The following SAMD5 variants were observed in gnomAD, a reference collection of about 807,000 sequenced individuals.
SAMD5 encodes sterile alpha motif domain-containing protein 5.
A neutral mutation model predicts 11.3 loss-of-function variants in SAMD5; 13 were observed. That is an observed-to-expected ratio of 1.15 (90% CI 0.75 to 1.83). SAMD5 has a LOEUF of 1.83. Ranked by LOEUF, SAMD5 falls within the 40% of genes most tolerant of loss-of-function variation. The pLI, the probability that SAMD5 is intolerant of heterozygous loss-of-function variation, is 0.00. For synonymous variants in SAMD5, 129 were observed against 111.3 expected, an observed-to-expected ratio of 1.16 and a Z score of -1.00; for missense variants, 255 against 239.1, an observed-to-expected ratio of 1.07 and a Z score of -0.44.
chr6:147,874,107 C>CA, the SAMD5 span, among the ~76,000 whole-genome samples: 3 of 152,122 alleles, frequency 2.0e-5, no homozygotes, highest in African/African-American at 7.2e-5. Flanking sequence ...CTTAATTGCT[C>CA]AAAAAACTTT....
At chr6:147,924,783 TAAATAAATAAATA>T in the SAMD5 span, among the ~76,000 whole-genome samples, 2 of 120,366 alleles carry the variant, frequency 1.7e-5, no homozygotes, top group African/African-American at 1.1e-4. Context: ...TTGTTATAAA[TAAATAAATAAATA>T]AATAAATAAA....
intron 1 of SAMD5, among the ~76,000 whole-genome samples, chr6:147,656,503 T>C (rs1034310895): frequency 1.3e-5 from 2 of 152,174 alleles, no homozygotes; most frequent in Non-Finnish European, 2.9e-5. Context: ...CATATACCCC[T>C]AAGTTGTAAA....
chr6:147,746,075 G>T, the SAMD5 span, among the ~76,000 whole-genome samples: 1 of 152,000 alleles, frequency 6.6e-6, no homozygotes, highest in African/African-American at 2.4e-5. Flanking sequence ...GCTTCATTTC[G>T]CCTGTAAAAA....
At chr6:147,699,493 TATAATC>T (rs1316687798) in intron 1 of SAMD5, among the ~76,000 whole-genome samples, 3 of 152,138 alleles carry the variant, frequency 2.0e-5, no homozygotes, top group Non-Finnish European at 4.4e-5. Flanking sequence ...TCCCACTAAT[TATAATC>T]ATACAAGCAG....
chr6:147,941,463 A>G, the SAMD5 span, among the ~76,000 whole-genome samples: 5,568 of 152,328 alleles, frequency 0.037, 143 homozygotes, highest in Non-Finnish European at 0.045. Flanking sequence ...AACAGTAAAG[A>G]GTGGTTTAAC....
chr6:147,661,775 G>A (rs1367707839), intron 1 of SAMD5, among the ~76,000 whole-genome samples: 2 of 152,052 alleles, frequency 1.3e-5, no homozygotes, highest in Non-Finnish European at 2.9e-5. Flanking sequence ...GATTACAGGC[G>A]CCTGCCACCA....
At chr6:147,714,598 T>C (rs1791441609) in intron 1 of SAMD5, among the ~76,000 whole-genome samples, 3 of 152,362 alleles carry the variant, frequency 2.0e-5, no homozygotes, top group Admixed American at 6.5e-5. Context: ...AATTTTCTTA[T>C]GATTGAAAGA....
intron 1 of SAMD5, among the ~76,000 whole-genome samples, chr6:147,578,420 C>T (rs1287707131): frequency 2.6e-5 from 4 of 152,146 alleles, no homozygotes; most frequent in Non-Finnish European, 5.9e-5. Context: ...CATGCTCTGA[C>T]TAATGCTTCT....
the SAMD5 span, among the ~76,000 whole-genome samples, chr6:147,868,520 AC>A: frequency 2.0e-5 from 3 of 152,154 alleles, no homozygotes; most frequent in Admixed American, 6.6e-5. Context: ...TAAATTGGCA[AC>A]TCATGAAATG....
the SAMD5 span, among the ~76,000 whole-genome samples, chr6:147,819,994 G>A: frequency 6.6e-6 from 1 of 152,176 alleles, no homozygotes; most frequent in Non-Finnish European, 1.5e-5. Flanking sequence ...GGGTTTGACT[G>A]GAGAGGACAG....
At chr6:147,556,845 T>C (rs1318164756) in intron 1 of SAMD5, among the ~76,000 whole-genome samples, 2 of 152,208 alleles carry the variant, frequency 1.3e-5, no homozygotes, top group Non-Finnish European at 2.9e-5. Flanking sequence ...AACGATAGTA[T>C]GTTATTTATA....
chr6:147,554,908 G>T (rs1451046196), intron 1 of SAMD5, among the ~76,000 whole-genome samples: 4 of 152,114 alleles, frequency 2.6e-5, no homozygotes, highest in Admixed American at 1.3e-4. Context: ...GGTCTGCAAG[G>T]TAATAATTAT....
intron 1 of SAMD5, among the ~76,000 whole-genome samples, chr6:147,715,305 CT>C (rs1268841032): frequency 6.6e-6 from 1 of 152,238 alleles, no homozygotes; most frequent in Non-Finnish European, 1.5e-5. Context: ...GCTCCAAACA[CT>C]GTGCACAGCC....
the SAMD5 span, among the ~76,000 whole-genome samples, chr6:147,879,175 C>T: frequency 6.6e-6 from 1 of 152,166 alleles, no homozygotes; most frequent in African/African-American, 2.4e-5. Flanking sequence ...TTGTGCTTAC[C>T]TCATATGCAT....
chr6:147,629,326 A>T (rs936750456), intron 1 of SAMD5, among the ~76,000 whole-genome samples: 5 of 152,132 alleles, frequency 3.3e-5, no homozygotes, highest in Non-Finnish European at 7.4e-5. Flanking sequence ...ATAATAATAA[A>T]AAAAATCTGA....
At chr6:147,537,768 A>G (rs1056611189) in intron 1 of SAMD5, among the ~76,000 whole-genome samples, 1 of 151,116 alleles carries the variant, frequency 6.6e-6, no homozygotes, top group African/African-American at 2.5e-5. Flanking sequence ...AAAAAAAAAA[A>G]AGAGAAAACC....
At chr6:147,625,219 C>G (rs971851520) in intron 1 of SAMD5, among the ~76,000 whole-genome samples, 1 of 152,186 alleles carries the variant, frequency 6.6e-6, no homozygotes, top group Non-Finnish European at 1.5e-5. Context: ...AATCAGTCTG[C>G]TCATATTTAG....
At chr6:147,684,982 A>G (rs1790988902) in intron 1 of SAMD5, among the ~76,000 whole-genome samples, 1 of 152,182 alleles carries the variant, frequency 6.6e-6, no homozygotes, top group Non-Finnish European at 1.5e-5. Flanking sequence ...GAGAATTAAA[A>G]TGTTTTCTCT....
At chr6:147,666,513 T>C (rs562628462) in intron 1 of SAMD5, among the ~76,000 whole-genome samples, 1 of 152,270 alleles carries the variant, frequency 6.6e-6, no homozygotes, top group East Asian at 1.9e-4. Flanking sequence ...AGAGCTTGCT[T>C]TCCTTCTCTA....
Sources: allele counts gnomAD v4.1 joint callset (sites outside exome capture counted in the v4.1 genomes callset), GRCh38; gene constraint gnomAD v4.1.1; transcripts MANE v1.5; gene names NCBI Gene and HGNC (gene_info 2026-07-23, HGNC 2026-07-21).